The following SVOPL variants were observed in gnomAD, a reference collection of about 807,000 sequenced individuals.
The protein encoded by SVOPL is SVOP like, also known as putative transporter SVOPL.
A neutral mutation model predicts 61.0 loss-of-function variants in SVOPL; 60 were observed. That is an observed-to-expected ratio of 0.98 (90% CI 0.80 to 1.22). The LOEUF (loss-of-function observed/expected upper bound fraction) is 1.22. SVOPL is among the 50% of genes most tolerant of loss of function. The pLI is 0.00. For missense variants in SVOPL, 662 were observed against 643.9 expected (o/e 1.03, Z -0.30); for synonymous variants, 279 against 250.0 (o/e 1.12, Z -1.09).
intron 6 of SVOPL, among the ~76,000 whole-genome samples, chr7:138,659,343 A>AT (rs1801897067): frequency 6.6e-6 from 1 of 152,084 alleles, no homozygotes; most frequent in Admixed American, 6.6e-5. Flanking sequence ...AATACAAAAA[A>AT]TTAGCCGGGC....
chr7:138,687,508 A>T (rs1802845638), intron 1 of SVOPL, among the ~76,000 whole-genome samples: 1 of 151,654 alleles, frequency 6.6e-6, no homozygotes, highest in Admixed American at 6.6e-5. Context: ...AAGTGCTGAG[A>T]TTAGAGGCAT....
At chr7:138,660,028 A>G (rs1801934258) in intron 5 of SVOPL, 40 bp from the exon 6 acceptor site, 4 of 1,547,942 alleles carry the variant, frequency 2.6e-6, no homozygotes, top group South Asian at 2.4e-5. Context: ...ACCTGCCTCA[A>G]TGCGGGGAGG....
At chr7:138,677,424 A>G (rs1384022209) in intron 3 of SVOPL, among the ~76,000 whole-genome samples, 1 of 152,124 alleles carries the variant, frequency 6.6e-6, no homozygotes, top group African/African-American at 2.4e-5. Context: ...GGTTTTATTA[A>G]CCCTATAGAT....
intron 7 of SVOPL, among the ~76,000 whole-genome samples, chr7:138,650,267 T>C (rs1177184183): frequency 1.3e-5 from 2 of 152,032 alleles, no homozygotes; most frequent in Non-Finnish European, 2.9e-5. Context: ...ATAGAGGGTG[T>C]GTTAGTAGGG....
At chr7:138,656,992 A>G (rs1183806103) in intron 6 of SVOPL, among the ~76,000 whole-genome samples, 1 of 152,004 alleles carries the variant, frequency 6.6e-6, no homozygotes, top group African/African-American at 2.4e-5. Flanking sequence ...TGGTGAGCCA[A>G]TATTGTGCCA....
chr7:138,680,233 G>A (rs555660367), intron 1 of SVOPL, among the ~76,000 whole-genome samples: 3 of 147,744 alleles, frequency 2.0e-5, no homozygotes, highest in Admixed American at 6.9e-5. Context: ...GCAGTGGCAC[G>A]ATCTCGGCTC....
intron 5 of SVOPL, chr7:138,661,279 G>C: frequency 1.0e-6 from 1 of 984,908 alleles, no homozygotes; most frequent in Non-Finnish European, 1.2e-6. Context: ...GTGACTTTGA[G>C]CACGTAGCTA....
Position 138,621,966 on chromosome 7 carries a change from C to CTATCTATCTATG in SVOPL, c.1264-832_1264-831insCATAGATAGATA, listed in dbSNP as rs1563095808. 4.5e-3 allele frequency among the ~76,000 whole-genome samples: 114 copies of CTATCTATCTATG among 25,104 alleles called. 29 individuals are homozygous for CTATCTATCTATG. The highest frequency in any genetic ancestry group is 0.011 in the Admixed American group (18 of 1,672). The allele number at this position is 25,104 out of a possible 152,430, so 16.5% of individuals were successfully genotyped here. The stretch of plus-strand genomic sequence containing the variant: ...TCTATGTATCTATCTATCTATGTAT[C>CTATCTATCTATG]TATCTATGTATCTATCTATCTATGT... On this transcript the variant is annotated intron_variant, in intron 13 of 15. Coordinates refer to ENST00000674285, the MANE Select transcript of SVOPL (RefSeq NM_001139456.2).
At chr7:138,689,396 C>T in intron 1 of SVOPL, 1 of 1,430,204 alleles carries the variant, frequency 7.0e-7, no homozygotes, top group East Asian at 2.3e-5. Context: ...TTTACCCATG[C>T]ATGAGCTCTC....
intron 1 of SVOPL, among the ~76,000 whole-genome samples, chr7:138,682,947 G>A (rs895488445): frequency 1.3e-4 from 14 of 109,550 alleles, no homozygotes; most frequent in Non-Finnish European, 1.3e-4. Context: ...CAGCCTGGGC[G>A]ACAAGAGCAA....
chr7:138,606,602 C>G (rs186823885), intron 14 of SVOPL, among the ~76,000 whole-genome samples: 28 of 152,238 alleles, frequency 1.8e-4, no homozygotes, highest in Middle Eastern at 3.4e-3. Context: ...CCACATTGGG[C>G]CTTGCTCCCT....
chr7:138,644,031 G>T (rs1800967439), intron 9 of SVOPL, among the ~76,000 whole-genome samples: 2 of 151,814 alleles, frequency 1.3e-5, no homozygotes, highest in Admixed American at 1.3e-4. Context: ...GTGAAACCCT[G>T]TCTCTACTAA....
intron 9 of SVOPL, among the ~76,000 whole-genome samples, chr7:138,639,738 G>A (rs1424463274): frequency 6.6e-6 from 1 of 152,046 alleles, no homozygotes; most frequent in Non-Finnish European, 1.5e-5. Flanking sequence ...CTGTTGTCCG[G>A]GCTACTAAAA....
chr7:138,594,769 G>T, intron 15 of SVOPL, 148 bp from the exon 16 acceptor site: 2 of 538,952 alleles, frequency 3.7e-6, no homozygotes, highest in Non-Finnish European at 6.2e-6. Context: ...TTGTGTATCT[G>T]AAGATACAAT....
chr7:138,695,884 G>A (rs1411733251), intron 1 of SVOPL, among the ~76,000 whole-genome samples: 5 of 151,984 alleles, frequency 3.3e-5, no homozygotes, highest in African/African-American at 9.7e-5. Context: ...CTGGGTTCAA[G>A]CGATTTTCCT....
intron 14 of SVOPL, among the ~76,000 whole-genome samples, chr7:138,611,855 A>T (rs1554453473): frequency 7.7e-5 from 6 of 78,384 alleles, no homozygotes; most frequent in Admixed American, 2.0e-4. Context: ...AAGTGCCGAG[A>T]TTGCAGCCTC....
chr7:138,643,744 G>A (rs553359104), intron 9 of SVOPL, among the ~76,000 whole-genome samples: 2 of 151,118 alleles, frequency 1.3e-5, no homozygotes, highest in South Asian at 4.2e-4. Context: ...GTGGTTTTTA[G>A]AGGGTGGGGG....
chr7:138,655,780 A>T (rs886435194), intron 7 of SVOPL, among the ~76,000 whole-genome samples: 1 of 151,596 alleles, frequency 6.6e-6, no homozygotes, highest in East Asian at 1.9e-4. Context: ...TTATATTCTT[A>T]TGGATAAGCA....
At chr7:138,608,526 T>C (rs941282953) in intron 14 of SVOPL, among the ~76,000 whole-genome samples, 2 of 152,170 alleles carry the variant, frequency 1.3e-5, no homozygotes, top group Non-Finnish European at 2.9e-5. Flanking sequence ...GTTTCCGGCA[T>C]TGGACCTCAC....
Sources: allele counts gnomAD v4.1 joint callset (sites outside exome capture counted in the v4.1 genomes callset), GRCh38; gene constraint gnomAD v4.1.1; transcripts MANE v1.5; gene names NCBI Gene and HGNC (gene_info 2026-07-23, HGNC 2026-07-21).